FRAS1: variants seen among roughly 807,000 people sequenced by gnomAD.
The protein encoded by FRAS1 is Fraser extracellular matrix complex subunit 1.
A neutral mutation model predicts 435.2 loss-of-function variants in FRAS1; 290 were observed. The observed-to-expected ratio is 0.67, with a 90% CI of 0.61 to 0.73. The LOEUF (loss-of-function observed/expected upper bound fraction) is 0.73. FRAS1 is among the 30% of genes least tolerant of loss of function. FRAS1 has a pLI of 0.00. For synonymous variants in FRAS1, 1,800 were observed against 1,851.0 expected, an observed-to-expected ratio of 0.97 and a Z score of 0.71; for missense variants, 4,860 against 5,001.5, an observed-to-expected ratio of 0.97 and a Z score of 0.85.
intron 2 of FRAS1, among the ~76,000 whole-genome samples, chr4:78,154,271 T>A (rs997172133): frequency 6.6e-6 from 1 of 152,192 alleles, no homozygotes; most frequent in Admixed American, 6.5e-5. Flanking sequence ...CTACAGTCTC[T>A]GTTGATCTCA....
rs1732066816 is a variant in FRAS1 at position 78,382,677 on chromosome 4, A to G, written c.3564-1382A>G. On this transcript the variant is annotated intron_variant, in intron 27 of 73. Transcript: ENST00000512123. Reference sequence around the variant, plus strand: ...TTTATTGAGGTATAATTTGCATTCAATAAAATCCTCCATTTTGAAGTGTGT... The same window carrying G: ...TTTATTGAGGTATAATTTGCATTCAGTAAAATCCTCCATTTTGAAGTGTGT... 3.3e-5 allele frequency among the ~76,000 whole-genome samples: 5 copies of G among 152,192 alleles called. No individual in the cohort carries two copies. In the South Asian group the frequency reaches 1.0e-3, roughly 32 times the overall value.
intron 2 of FRAS1, among the ~76,000 whole-genome samples, chr4:78,078,609 G>C (rs1463035671): frequency 6.6e-6 from 1 of 151,852 alleles, no homozygotes; most frequent in African/African-American, 2.4e-5. Context: ...GTGTTACAAA[G>C]AATTACATAG....
intron 2 of FRAS1, among the ~76,000 whole-genome samples, chr4:78,198,825 A>G (rs1215661718): frequency 6.6e-6 from 1 of 152,000 alleles, no homozygotes; most frequent in African/African-American, 2.4e-5. Flanking sequence ...TAGTAAATAT[A>G]TTTTCTCTCG....
chr4:78,181,181 A>G lies in FRAS1; in HGVS notation c.109-56329A>G, dbSNP rs184444186. 2,771 of 1,603,764 alleles carry G rather than the reference A, an allele frequency of 1.7e-3. 7 individuals carry two copies. The highest frequency in any genetic ancestry group is 2.2e-3 in the Non-Finnish European group (2,562 of 1,170,636). ...ATTTGGTTTTCAGATATTAAATTCTACTTTTGCCCGGTCCTTATTTTGAAT... is the reference window on the plus strand; with the variant it reads ...ATTTGGTTTTCAGATATTAAATTCTGCTTTTGCCCGGTCCTTATTTTGAAT... On this transcript the variant is annotated intron_variant, in intron 2 of 73. Transcript: ENST00000512123.
intron 15 of FRAS1, among the ~76,000 whole-genome samples, chr4:78,314,754 C>G (rs1182206620): frequency 2.0e-5 from 3 of 152,204 alleles, no homozygotes; most frequent in African/African-American, 7.2e-5. Flanking sequence ...CTGCCTCAGC[C>G]TGGAGTACAT....
chr4:78,271,291 A>G (rs1726665550), intron 9 of FRAS1, among the ~76,000 whole-genome samples: 1 of 152,232 alleles, frequency 6.6e-6, no homozygotes, highest in African/African-American at 2.4e-5. Flanking sequence ...TTTTTATCAC[A>G]AACATTTTCA....
chr4:78,506,010 G>A (rs1205524280), intron 61 of FRAS1, among the ~76,000 whole-genome samples: 1 of 152,206 alleles, frequency 6.6e-6, no homozygotes, highest in African/African-American at 2.4e-5. Flanking sequence ...GTCTGTTGGA[G>A]TTTGCTGGAA....
chr4:78,190,601 C>T (rs929607200), intron 2 of FRAS1, among the ~76,000 whole-genome samples: 17 of 149,568 alleles, frequency 1.1e-4, no homozygotes, highest in African/African-American at 3.9e-4. Flanking sequence ...CATCCCCCAT[C>T]CCCCCACCAC....
chr4:78,484,886 G>T (rs928662470), intron 58 of FRAS1, among the ~76,000 whole-genome samples: 5 of 152,134 alleles, frequency 3.3e-5, no homozygotes, highest in Non-Finnish European at 5.9e-5. Flanking sequence ...TATACTACAT[G>T]GTTTTAATTG....
chr4:78,450,133 C>A lies in FRAS1; in HGVS notation c.6275-18C>A, dbSNP rs1226050373. Reference sequence around the variant, plus strand: ...GAAATGTTGGGGAATAACCTACTCTCTTCCGTTCTCTTCCAAGGGTCTGTA... The same window carrying A: ...GAAATGTTGGGGAATAACCTACTCTATTCCGTTCTCTTCCAAGGGTCTGTA... On this transcript the variant is annotated intron_variant, in intron 44 of 73. Coordinates refer to ENST00000512123, the MANE Select transcript of FRAS1 (RefSeq NM_025074.7). The A allele has an allele frequency of 1.9e-6, 3 of 1,605,060 alleles. No individual in the cohort carries two copies. Among genetic ancestry groups the A allele is most frequent in the Admixed American group, 1.7e-5 (1 of 59,292 alleles).
chr4:78,103,354 G>C (rs1448022146), intron 2 of FRAS1, among the ~76,000 whole-genome samples: 4 of 152,122 alleles, frequency 2.6e-5, no homozygotes, highest in Non-Finnish European at 5.9e-5. Flanking sequence ...TGCCCTCTGA[G>C]AGGTCACCCT....
chr4:78,128,768 A>G (rs559896026), intron 2 of FRAS1, among the ~76,000 whole-genome samples: 13 of 152,164 alleles, frequency 8.5e-5, no homozygotes, highest in African/African-American at 3.1e-4. Flanking sequence ...ATGAGATCCC[A>G]TTTGTCAATT....
rs981451752 is a variant in FRAS1, at chr4:78,127,498, A to G, written c.108+61482A>G. Among the ~76,000 whole-genome samples, 11 of 152,336 alleles carry G rather than the reference A, an allele frequency of 7.2e-5. No homozygotes were observed. The South Asian group carries it at 1.5e-3, about 20-fold the overall frequency. On this transcript the variant is annotated intron_variant, in intron 2 of 73. Coordinates refer to ENST00000512123, the MANE Select transcript of FRAS1 (RefSeq NM_025074.7). ...ATAGTGGTGTTAACCAAGAGGTAGC[A>G]CTGGGGTGGAGAAGAGGAGGGATTT...
chr4:78,508,422 T>C (rs915838440), intron 62 of FRAS1, among the ~76,000 whole-genome samples: 4 of 152,230 alleles, frequency 2.6e-5, no homozygotes, highest in Admixed American at 2.0e-4. Flanking sequence ...CTATTCATGA[T>C]ACAGCTTTGG....
chr4:78,327,696 C>G (rs1729773765), intron 18 of FRAS1, among the ~76,000 whole-genome samples: 1 of 152,212 alleles, frequency 6.6e-6, no homozygotes, highest in Non-Finnish European at 1.5e-5. Flanking sequence ...CATAGAACTT[C>G]TTTCAGATAT....
At chr4:78,249,027 A>T (rs1725384707) in intron 4 of FRAS1, among the ~76,000 whole-genome samples, 1 of 114,488 alleles carries the variant, frequency 8.7e-6, no homozygotes, top group South Asian at 3.8e-4. Flanking sequence ...ATGCTTTCAT[A>T]AACGTGTATG....
chr4:78,172,794 C>A (rs759736562), intron 2 of FRAS1, among the ~76,000 whole-genome samples: 1 of 151,546 alleles, frequency 6.6e-6, no homozygotes, highest in Non-Finnish European at 1.5e-5. Flanking sequence ...ATTTTATTAG[C>A]CTGAAGAACA....
At chr4:78,509,683 A>G (rs1156781078) in intron 63 of FRAS1, among the ~76,000 whole-genome samples, 1 of 152,238 alleles carries the variant, frequency 6.6e-6, no homozygotes. Flanking sequence ...GAGAACAATG[A>G]ATAGTATGTT....
chr4:78,328,230 C>T (rs17003131), intron 18 of FRAS1, among the ~76,000 whole-genome samples: 5,972 of 152,188 alleles, frequency 0.039, 319 homozygotes, highest in African/African-American at 0.12. Flanking sequence ...GTTTTGTGAC[C>T]AAATGAAATG....
Sources: allele counts gnomAD v4.1 joint callset (sites outside exome capture counted in the v4.1 genomes callset), GRCh38; gene constraint gnomAD v4.1.1; transcripts MANE v1.5; gene names NCBI Gene and HGNC (gene_info 2026-07-23, HGNC 2026-07-21).